The following NRK variants were observed in gnomAD, a reference collection of about 807,000 sequenced individuals.
The protein encoded by NRK is Nik related kinase, also known as nik-related protein kinase.
A neutral mutation model predicts 125.2 loss-of-function variants in NRK; 67 were observed. The ratio of observed to expected loss-of-function variants is 0.54; its 90% CI spans 0.44 to 0.66. The LOEUF is 0.66. NRK is among the 30% of genes least tolerant of loss of function. The pLI is 0.00. For synonymous variants in NRK, 458 were observed against 429.0 expected, an observed-to-expected ratio of 1.07 and a Z score of -0.84; for missense variants, 1,224 against 1,192.9, an observed-to-expected ratio of 1.03 and a Z score of -0.38.
intron 4 of NRK, among the ~76,000 whole-genome samples, chrX:105,888,085 A>G (rs998586303): frequency 7.1e-5 from 8 of 112,265 alleles, no homozygotes; most frequent in African/African-American, 2.6e-4. Flanking sequence ...GAACTAAACG[A>G]TCTTCAGTTT....
intron 28 of NRK, 137 bp downstream of exon 28, chrX:105,953,310 TA>T (rs962043393): frequency 4.4e-6 from 2 of 455,681 alleles, no homozygotes; most frequent in Non-Finnish European, 3.3e-6. Context: ...TACTATTGAT[TA>T]AAAAACAATT....
chrX:105,940,376 T>C (rs1027928301), intron 23 of NRK, among the ~76,000 whole-genome samples: 1 of 110,660 alleles, frequency 9.0e-6, no homozygotes, highest in African/African-American at 3.3e-5. Flanking sequence ...AACCGATTTT[T>C]TTTTCCTGCC....
chrX:105,860,810 T>C (rs754642480), intron 2 of NRK, among the ~76,000 whole-genome samples: 2 of 111,448 alleles, frequency 1.8e-5, no homozygotes, highest in Non-Finnish European at 3.8e-5. Context: ...TTATTTTTTC[T>C]TATAGCTAAA....
chrX:105,886,169 A>G (rs1393000444), intron 4 of NRK, among the ~76,000 whole-genome samples: 1 of 109,805 alleles, frequency 9.1e-6, no homozygotes, highest in East Asian at 2.9e-4. Context: ...TCTAGACCTG[A>G]CTTGTCCCCT....
chrX:105,871,040 C>G (rs1012832251), intron 2 of NRK, among the ~76,000 whole-genome samples: 1 of 111,513 alleles, frequency 9.0e-6, no homozygotes, highest in African/African-American at 3.3e-5. Flanking sequence ...ATCACATGTC[C>G]CCATAGTTGA....
rs1454387238 is a variant in NRK, at chrX:105,862,085, CT to C, written c.124-18113del. On this transcript the variant is annotated intron_variant, in intron 2 of 28. Coordinates refer to ENST00000243300, the MANE Select transcript of NRK (RefSeq NM_198465.4). ...TCTATCTATCTATTGATCTATCTAT[CT>C]ATCTATCTATCTATCTATTTATCTA... Among the ~76,000 whole-genome samples, 5 of 111,092 alleles carry C rather than the reference CT, an allele frequency of 4.5e-5. No individual in the cohort carries two copies. In the East Asian group the frequency reaches 8.5e-4, roughly 19 times the overall value.
intron 5 of NRK, among the ~76,000 whole-genome samples, chrX:105,891,811 G>C (rs1398907777): frequency 8.9e-6 from 1 of 111,962 alleles, no homozygotes; most frequent in Non-Finnish European, 1.9e-5. Flanking sequence ...GCTTAACTCT[G>C]TTTTCTCTCA....
intron 3 of NRK, among the ~76,000 whole-genome samples, chrX:105,881,275 A>T (rs1408955569): frequency 7.2e-5 from 8 of 111,760 alleles, no homozygotes; most frequent in African/African-American, 2.6e-4. Context: ...ATGGCTTCCA[A>T]ATAATCAAAC....
chrX:105,943,783 C>A (rs2040777079), intron 23 of NRK, among the ~76,000 whole-genome samples, 158 bp from the exon 24 acceptor site: 1 of 112,126 alleles, frequency 8.9e-6, no homozygotes, highest in African/African-American at 3.2e-5. Flanking sequence ...AATTTTGTTA[C>A]CTTTTTGTGG....
intron 2 of NRK, among the ~76,000 whole-genome samples, chrX:105,842,798 G>T (rs188613213): frequency 3.3e-4 from 37 of 110,693 alleles, no homozygotes; most frequent in African/African-American, 1.1e-3. Context: ...CAGGTGAGGA[G>T]GTAAATACAA....
chrX:105,874,765 A>G (rs1316477891), intron 2 of NRK, among the ~76,000 whole-genome samples: 1 of 111,648 alleles, frequency 9.0e-6, no homozygotes, highest in Non-Finnish European at 1.9e-5. Flanking sequence ...GAAGAACAAC[A>G]GCACCGTAAT....
intron 2 of NRK, among the ~76,000 whole-genome samples, chrX:105,862,420 G>GA (rs912456701): frequency 1.1e-4 from 11 of 101,752 alleles, no homozygotes; most frequent in East Asian, 3.0e-4. Flanking sequence ...TTTCCAATGA[G>GA]AAAAAAAAAA....
Position 105,946,262 on chromosome X carries a change from T to A in NRK, c.4204-53T>A, listed in dbSNP as rs376678602. The A allele has an allele frequency of 2.6e-5, 28 of 1,058,822 alleles. No individual in the cohort carries two copies. In the East Asian group the frequency reaches 3.7e-4, roughly 14 times the overall value. The allele number at this position is 1,058,822 out of a possible 1,213,427, so 87.3% of individuals were successfully genotyped here. On this transcript the variant is annotated intron_variant, in intron 25 of 28. Coordinates refer to ENST00000243300, the MANE Select transcript of NRK (RefSeq NM_198465.4). ...CAAAAGAGTGAGGGAATTTTTGCCT[T>A]AGTTAGAATGTCATTTTTGGCCTTT...
rs758734972 is a variant in NRK at position 105,831,075 on chromosome X, C to T, written c.79C>T (p.Leu27=). ...GCAGGATCCAACTGGAATATTCTCACTAGATAAAACCATTGGCCTTGGTAC... is the reference window on the plus strand; with the variant it reads ...GCAGGATCCAACTGGAATATTCTCATTAGATAAAACCATTGGCCTTGGTAC... ...HLPDPTGIFS[L]DKTIGLGTYG... The change falls in exon 2 of 29, where the codon CTA becomes TTA. Residue 27 remains leucine, a synonymous_variant. Coordinates refer to ENST00000243300, the MANE Select transcript of NRK (RefSeq NM_198465.4). 1 of 1,163,822 alleles carries T rather than the reference C, an allele frequency of 8.6e-7. No individual in the cohort carries two copies. Among genetic ancestry groups the T allele is most frequent in the South Asian group, 1.8e-5 (1 of 54,140 alleles).
intron 4 of NRK, among the ~76,000 whole-genome samples, chrX:105,883,500 A>G (rs2039908498): frequency 1.8e-5 from 2 of 111,802 alleles, no homozygotes; most frequent in Non-Finnish European, 3.8e-5. Flanking sequence ...TCAAATCCCA[A>G]GTCTACCACT....
chrX:105,924,759 G>A lies in NRK; in HGVS notation c.3040G>A (p.Glu1014Lys), dbSNP rs2040500645. The A allele has an allele frequency of 8.3e-7, 1 of 1,203,890 alleles. No homozygotes were observed. The highest frequency in any genetic ancestry group is 1.1e-6 in the Non-Finnish European group (1 of 891,774). Residue 1014 changes from glutamate to lysine, a missense_variant, in exon 19 of 29, where the codon GAA (glutamate) becomes AAA (lysine). By Grantham distance (56) the Glu-to-Lys change is moderately conservative. Transcript: ENST00000243300. ...TTATGATGGAAGTCGTGGAAAAGAG[G>A]AAGCCTACAGAGGCTATGGAAGCCA... ...DGYDGSRGKE[E>K]AYRGYGSHTA... is the part of the protein sequence containing the mutation.
At position 105,908,307 on chromosome X, in the gene NRK, C is replaced by T. The variant is rs2147745474; in HGVS notation, c.1085+4C>T. 1.0e-5 allele frequency: 10 copies of T among 979,070 alleles called. No individual in the cohort carries two copies. Among genetic ancestry groups the T allele is most frequent in the Admixed American group, 3.1e-5 (1 of 32,389 alleles). 80.7% of individuals were successfully genotyped at this position (979,070 alleles called of 1,213,427 possible). ...AGTACACCGTGAGAAGATTCAGGTG[C>T]GTTCCACAAATTGCATATATAATTT... On this transcript the variant is annotated splice_donor_region_variant and intron_variant, in intron 12 of 28. Transcript: ENST00000243300.
intron 19 of NRK, among the ~76,000 whole-genome samples, chrX:105,930,702 A>G (rs1340505854): frequency 2.7e-5 from 3 of 110,779 alleles, no homozygotes; most frequent in East Asian, 5.7e-4. Flanking sequence ...TGCTTCTTAT[A>G]ATGTTATGGA....
intron 2 of NRK, among the ~76,000 whole-genome samples, chrX:105,866,014 C>CAAAAAA (rs113129723): frequency 2.6e-5 from 2 of 76,021 alleles, no homozygotes; most frequent in African/African-American, 9.2e-5. Flanking sequence ...CAAAACAAAG[C>CAAAAAA]AAAAAAAAAA....
Sources: allele counts gnomAD v4.1 joint callset (sites outside exome capture counted in the v4.1 genomes callset), GRCh38; gene constraint gnomAD v4.1.1; transcripts MANE v1.5; gene names NCBI Gene and HGNC (gene_info 2026-07-23, HGNC 2026-07-21).